The following TRAK2 variants were observed in gnomAD, a reference collection of about 807,000 sequenced individuals.
TRAK2 encodes trafficking kinesin protein 2.
TRAK2 carries 81 observed loss-of-function variants against 104.6 expected under a neutral mutation model. The ratio of observed to expected loss-of-function variants is 0.77; its 90% confidence interval spans 0.65 to 0.93. The LOEUF is 0.93. Among genes scored for constraint, TRAK2 ranks in the 40% least tolerant of loss-of-function variants. The pLI is 0.00. For missense variants in TRAK2, 1,002 were observed against 1,089.0 expected (o/e 0.92, Z 1.12); for synonymous variants, 406 against 394.4 (o/e 1.03, Z -0.35).
chr2:201,411,709 C>T, intron 2 of TRAK2: 1 of 780,598 alleles, frequency 1.3e-6, no homozygotes, highest in Non-Finnish European at 2.4e-6. Context: ...ACTGCAGACT[C>T]TTTGGATGGA....
At chr2:201,386,727 C>A (rs1008563255) in intron 13 of TRAK2, among the ~76,000 whole-genome samples, 3 of 151,922 alleles carry the variant, frequency 2.0e-5, no homozygotes, top group Non-Finnish European at 1.5e-5. Flanking sequence ...GAAAAAAAAC[C>A]CAAGGAGACA....
chr2:201,438,483 A>T (rs1951894952), intron 1 of TRAK2, among the ~76,000 whole-genome samples: 1 of 152,230 alleles, frequency 6.6e-6, no homozygotes, highest in African/African-American at 2.4e-5. Flanking sequence ...ATCATTTTAC[A>T]GACAAGAAAA....
intron 10 of TRAK2, among the ~76,000 whole-genome samples, chr2:201,392,223 T>A (rs1483747632): frequency 1.4e-5 from 2 of 145,526 alleles, no homozygotes; most frequent in Non-Finnish European, 3.1e-5. Flanking sequence ...ACAAAAATTC[T>A]TTATACTACT....
rs1351182932 is a variant in TRAK2 at position 201,389,843 on chromosome 2, T to C, written c.1151A>G (p.Lys384Arg). Residue 384 changes from lysine (K) to arginine (R), a missense_variant, in exon 11 of 16, where the codon AAA (lysine) becomes AGA (arginine). Lys to Arg is a conservative substitution (Grantham distance 26, BLOSUM62 2). Coordinates refer to ENST00000332624, the MANE Select transcript of TRAK2 (RefSeq NM_015049.3). The part of the protein sequence containing the change: ...LAAEIEGTMR[K>R]KLSLDEESSL... ...AGATTCCTCATCCAAACTCAGCTTT[T>C]TACGCATAGTCCCCTCAATCTCAGC... The C allele has an allele frequency of 2.5e-6, 4 of 1,613,894 alleles. No homozygotes were observed. The highest frequency in any genetic ancestry group is 3.4e-6 in the Non-Finnish European group (4 of 1,179,940).
At chr2:201,411,270 C>G in intron 2 of TRAK2, 2 of 741,944 alleles carry the variant, frequency 2.7e-6, no homozygotes, top group Non-Finnish European at 5.0e-6. Context: ...CTCTTGTTCT[C>G]TTGCTAATTT....
chr2:201,392,758 A>T (rs1228518386), intron 10 of TRAK2, 151 bp downstream of exon 10: 2 of 706,178 alleles, frequency 2.8e-6, no homozygotes, highest in Non-Finnish European at 4.5e-6. Context: ...TCAATATACA[A>T]ATTAGGGCCT....
chr2:201,411,362 C>CT (rs1338432452), intron 2 of TRAK2: 13 of 739,236 alleles, frequency 1.8e-5, no homozygotes, highest in Non-Finnish European at 2.8e-5. Flanking sequence ...CACTGCCAGT[C>CT]AGAAGGTCTG....
intron 1 of TRAK2, among the ~76,000 whole-genome samples, chr2:201,423,027 A>C (rs1951755600): frequency 7.1e-6 from 1 of 140,444 alleles, no homozygotes; most frequent in African/African-American, 2.9e-5. Flanking sequence ...TAACAACAGC[A>C]ACACCACCAC....
At chr2:201,384,004 C>T (rs1346895265) in intron 15 of TRAK2, 107 bp downstream of exon 15, 1 of 733,112 alleles carries the variant, frequency 1.4e-6, no homozygotes, top group African/African-American at 1.8e-5. Context: ...TATCACAGAA[C>T]ATTAATTAAC....
intron 3 of TRAK2, among the ~76,000 whole-genome samples, chr2:201,405,381 A>C (rs761158129): frequency 7.9e-5 from 12 of 152,228 alleles, no homozygotes; most frequent in Non-Finnish European, 1.5e-4. Context: ...TCTCCAATTA[A>C]TGTCACTGTG....
intron 2 of TRAK2, chr2:201,411,910 G>A: frequency 9.6e-7 from 1 of 1,036,962 alleles, no homozygotes; most frequent in East Asian, 2.4e-5. Flanking sequence ...AGGTTGGAAT[G>A]ATGTTTAGAC....
At chr2:201,394,947 G>C in intron 8 of TRAK2, 75 bp from the exon 9 acceptor site, 1 of 1,287,684 alleles carries the variant, frequency 7.8e-7, no homozygotes, top group Non-Finnish European at 1.1e-6. Context: ...ATAAAGACAT[G>C]TGAAGAATTT....
At chr2:201,430,273 G>T (rs1951831044) in intron 1 of TRAK2, among the ~76,000 whole-genome samples, 1 of 152,226 alleles carries the variant, frequency 6.6e-6, no homozygotes, top group Non-Finnish European at 1.5e-5. Flanking sequence ...CTACTCGGGG[G>T]TCAGGGACCC....
At chr2:201,389,233 G>C in intron 12 of TRAK2, 67 bp downstream of exon 12, 1 of 1,422,706 alleles carries the variant, frequency 7.0e-7, no homozygotes, top group Non-Finnish European at 9.9e-7. Flanking sequence ...GCTGGAATGT[G>C]CGTATGTGAA....
intron 9 of TRAK2, among the ~76,000 whole-genome samples, chr2:201,393,422 T>A (rs1458078536): frequency 6.6e-6 from 1 of 152,192 alleles, no homozygotes; most frequent in Non-Finnish European, 1.5e-5. Context: ...CTCTGAAGTC[T>A]GTAAGTGACA....
At chr2:201,398,045 T>C (rs1382917754) in intron 6 of TRAK2, 100 bp downstream of exon 6, 3 of 1,134,676 alleles carry the variant, frequency 2.6e-6, no homozygotes, top group African/African-American at 1.5e-5. Context: ...GGAATGCCAA[T>C]AGCAAATCCT....
intron 13 of TRAK2, 51 bp downstream of exon 13, chr2:201,387,652 G>A (rs1951403795): frequency 6.7e-7 from 1 of 1,488,104 alleles, no homozygotes; most frequent in African/African-American, 1.4e-5. Context: ...CCAGGGAAAG[G>A]AACTTCCAGT....
At chr2:201,427,777 C>T (rs558391664) in intron 1 of TRAK2, among the ~76,000 whole-genome samples, 6 of 152,308 alleles carry the variant, frequency 3.9e-5, no homozygotes, top group South Asian at 4.1e-4. Context: ...AACTAGTTTA[C>T]GCTCCCACCA....
Position 201,386,493 on chromosome 2 carries a change from G to C in TRAK2, c.1697-9C>G. The C allele has an allele frequency of 6.2e-7, 1 of 1,611,792 alleles. No homozygotes were observed. The highest frequency in any genetic ancestry group is 8.5e-7 in the Non-Finnish European group (1 of 1,178,162). ...ATACAGAGTTTGTGATCCTGAATAT[G>C]CAAAACAAAGGAAGGGGAAAGGCAT... On this transcript the variant is annotated splice_polypyrimidine_tract_variant and intron_variant, in intron 13 of 15. Transcript: ENST00000332624.
Sources: allele counts gnomAD v4.1 joint callset (sites outside exome capture counted in the v4.1 genomes callset), GRCh38; gene constraint gnomAD v4.1.1; transcripts MANE v1.5; gene names NCBI Gene and HGNC (gene_info 2026-07-23, HGNC 2026-07-21).